The following WRAP53 variants were observed in gnomAD, a reference collection of about 807,000 sequenced individuals.
WRAP53 encodes the protein WD repeat containing antisense to TP53.
Under a neutral mutation model 56.6 loss-of-function variants are expected in WRAP53, and 28 were observed. The observed-to-expected ratio is 0.50, with a 90% CI of 0.37 to 0.68. WRAP53 has a LOEUF of 0.68. Among genes scored for constraint, WRAP53 ranks in the 30% least tolerant of loss-of-function variants. WRAP53 has a pLI of 0.00. For missense variants in WRAP53, 671 were observed against 715.5 expected (o/e 0.94, Z 0.71); for synonymous variants, 283 against 283.4 (o/e 1.00, Z 0.01).
At chr17:7,693,044 C>G (rs562760445) in intron 4 of WRAP53, among the ~76,000 whole-genome samples, 19 of 152,156 alleles carry the variant, frequency 1.2e-4, no homozygotes, top group Non-Finnish European at 2.5e-4. Flanking sequence ...CCCAGCCCCT[C>G]TTGGGTCATT....
chr17:7,689,817 C>A, intron 4 of WRAP53, 116 bp downstream of exon 4: 2 of 829,086 alleles, frequency 2.4e-6, no homozygotes, highest in Non-Finnish European at 3.9e-6. Flanking sequence ...TTTTTCAAGA[C>A]GAGTTTCCAC....
In WRAP53 at chr17:7,702,706, T is replaced by C; in HGVS notation, c.1165-37T>C. 1 of 1,609,888 alleles carries C rather than the reference T, an allele frequency of 6.2e-7. No homozygotes were observed. Among genetic ancestry groups the C allele is most frequent in the Non-Finnish European group, 8.5e-7 (1 of 1,178,952 alleles). ...CGAGGGAGGCAGGGACATCCAGGGCTTTGGGGGTGACTCCAGGTCCTGTTC... is the reference window on the plus strand; with the variant it reads ...CGAGGGAGGCAGGGACATCCAGGGCCTTGGGGGTGACTCCAGGTCCTGTTC... On this transcript the variant is annotated intron_variant, in intron 8 of 10. Transcript: ENST00000396463. This position sits in a 1 kb window ranked among gnomAD's most constrained non-coding sequence, Gnocchi z 5.0.
chr17:7,699,787 G>A (rs1409156314), intron 4 of WRAP53, among the ~76,000 whole-genome samples: 2 of 151,366 alleles, frequency 1.3e-5, no homozygotes, highest in Admixed American at 6.6e-5. Flanking sequence ...AGGCTGGAGT[G>A]CAGTGGCAAT....
chr17:7,688,336 T>C (rs1039607781), upstream of WRAP53: 3 of 442,762 alleles, frequency 6.8e-6, no homozygotes, highest in African/African-American at 2.0e-5. Context: ...CGGGAAACCT[T>C]CTAACCTTTC....
In WRAP53 at chr17:7,689,226, C is replaced by T. The variant is rs140594263; in HGVS notation, c.434C>T (p.Ala145Val). The T allele has an allele frequency of 6.8e-6, 11 of 1,613,868 alleles. No individual in the cohort carries two copies. The highest frequency in any genetic ancestry group is 1.3e-5 in the African/African-American group (1 of 74,802). ...EPAAEDEGDTAWNYSFSQLPR... is the reference protein window; with the variant it reads ...EPAAEDEGDTVWNYSFSQLPR... ...ATTGTCCCCCATCTTCCTTTCAGCG[C>T]TTGGAACTACAGCTTCTCCCAGCTG... The change falls in exon 3 of 11, where the codon GCT (alanine) becomes GTT (valine). Residue 145 changes from alanine (A) to valine (V), a missense_variant and splice_region_variant. Transcript: ENST00000396463.
chr17:7,698,733 C>T (rs1052439201), intron 4 of WRAP53, among the ~76,000 whole-genome samples: 9 of 151,864 alleles, frequency 5.9e-5, no homozygotes, highest in South Asian at 2.1e-4. Flanking sequence ...AAAAATTAGC[C>T]GGGCGTGATA....
At chr17:7,689,725 C>A in intron 4 of WRAP53, 24 bp downstream of exon 4, 1 of 1,563,092 alleles carries the variant, frequency 6.4e-7, no homozygotes, top group South Asian at 1.1e-5. Context: ...CTAACTGCCT[C>A]TTCATCAATG....
rs1280010300 is a variant in WRAP53, at chr17:7,702,558, G to A, written c.1164+6G>A. 6.2e-7 allele frequency: 1 copy of A among 1,606,280 alleles called. No homozygotes were observed. The highest frequency in any genetic ancestry group is 1.1e-5 in the South Asian group (1 of 90,804). On this transcript the variant is annotated splice_donor_region_variant and intron_variant, in intron 8 of 10. Transcript: ENST00000396463. This position sits in a 1 kb window ranked among gnomAD's most constrained non-coding sequence, Gnocchi z 5.0. ...TCTTCTCAGGAGCCCGCAAGGTAGG[G>A]GTCACACCCTGAGAGCCCAAAGCAG...
chr17:7,699,530 ATATATATAT>A, intron 4 of WRAP53, among the ~76,000 whole-genome samples: 2 of 70,974 alleles, frequency 2.8e-5, no homozygotes, highest in African/African-American at 1.1e-4. Context: ...ATTTATATAT[ATATATATAT>A]TCCTAAGGAA....
chr17:7,695,322 T>C (rs2074168483), intron 4 of WRAP53, among the ~76,000 whole-genome samples: 1 of 152,170 alleles, frequency 6.6e-6, no homozygotes, highest in Non-Finnish European at 1.5e-5. Context: ...TCCATATACT[T>C]GTGTGTACTG....
chr17:7,687,009 C>G, upstream of WRAP53: 1 of 268,584 alleles, frequency 3.7e-6, no homozygotes, highest in Non-Finnish European at 6.9e-6. Flanking sequence ...GTTTCGAGAT[C>G]CAAAAGTCTC....
chr17:7,688,196 G>GA (rs199831002), upstream of WRAP53: 611 of 185,214 alleles, frequency 3.3e-3, 2 homozygotes, highest in South Asian at 8.1e-3. Flanking sequence ...CAGGCGGCGG[G>GA]GGGGCGGTGC....
Position 7,701,337 on chromosome 17 carries a change from T to C in WRAP53, c.732-122T>C, listed in dbSNP as rs1014241628. On this transcript the variant is annotated intron_variant, in intron 5 of 10. Transcript: ENST00000396463. This position sits in a 1 kb window ranked among gnomAD's most constrained non-coding sequence, Gnocchi z 4.2. The stretch of plus-strand genomic sequence containing the variant: ...CCAGGCTGGTCTCGAACTCCTGACC[T>C]CAAGTGATCCACCTGCCTTGGCCTC... 9.5e-7 allele frequency: 1 copy of C among 1,051,812 alleles called. No individual in the cohort carries two copies. Among genetic ancestry groups the C allele is most frequent in the African/African-American group, 1.6e-5 (1 of 64,026 alleles). The allele number at this position is 1,051,812 out of a possible 1,614,324, so 65.2% of individuals were successfully genotyped here. A position where few individuals can be genotyped will look rare whatever the true frequency, so the allele number is the denominator to read the frequency against.
In WRAP53 at chr17:7,702,463, C is replaced by T. The variant is rs149359927; in HGVS notation, c.1075C>T (p.Pro359Ser). The change falls in exon 8 of 11, where the codon CCT becomes TCT. Residue 359 changes from proline to serine, a missense_variant. This residue lies in a region of WRAP53 where 158 missense variants were observed against 215.7 expected (regional missense o/e 0.73). Coordinates refer to ENST00000396463, the MANE Select transcript of WRAP53 (RefSeq NM_001143992.2). The surrounding 1 kb of genome is among the most constrained non-coding windows in gnomAD (Gnocchi z 5.0). ...TCTGTATGCCTGGGATGATGGCTCC[C>T]CTCTCGCCTTGCTGGGAGGGCACCA... ...LGLYAWDDGS[P>S]LALLGGHQGG... 273 of 1,614,092 alleles carry T rather than the reference C, an allele frequency of 1.7e-4. 1 individual carries two copies. The African/African-American group carries it at 3.1e-3, about 18-fold the overall frequency.
chr17:7,693,184 C>CT (rs60578072), intron 4 of WRAP53, among the ~76,000 whole-genome samples: 37 of 147,384 alleles, frequency 2.5e-4, no homozygotes, highest in Non-Finnish European at 4.6e-4. Flanking sequence ...TCTTTTTTTT[C>CT]TTTTTTTTGA....
upstream of WRAP53, chr17:7,687,446 C>T: frequency 2.5e-6 from 1 of 398,718 alleles, no homozygotes; most frequent in Non-Finnish European, 4.4e-6. Flanking sequence ...GTCCCCGGAG[C>T]CCAGCAGCTA....
chr17:7,700,664 C>A, intron 4 of WRAP53, 77 bp from the exon 5 acceptor site: 1 of 966,724 alleles, frequency 1.0e-6, no homozygotes, highest in Non-Finnish European at 1.7e-6. Context: ...CCCCATCTGC[C>A]ACAACACTGC....
rs867688064 is a variant in WRAP53 at position 7,699,531 on chromosome 17, T to A, written c.643-1210T>A. ...ATATATATATATATATTTATATATATATATATATTCCTAAGGAAATGTATG... is the reference window on the plus strand; with the variant it reads ...ATATATATATATATATTTATATATAAATATATATTCCTAAGGAAATGTATG... On this transcript the variant is annotated intron_variant, in intron 4 of 10. Coordinates refer to ENST00000396463, the MANE Select transcript of WRAP53 (RefSeq NM_001143992.2). 4.2e-5 allele frequency among the ~76,000 whole-genome samples: 3 copies of A among 71,134 alleles called. 1 individual carries two copies. The Admixed American group carries it at 5.4e-4, about 13-fold the overall frequency. The allele number at this position is 71,134 out of a possible 152,430, so 46.7% of individuals were successfully genotyped here.
rs2074272770 is a variant in WRAP53 at position 7,701,485 on chromosome 17, C to T, written c.758C>T (p.Pro253Leu). The T allele has an allele frequency of 6.8e-6, 11 of 1,614,236 alleles. No homozygotes were observed. The highest frequency in any genetic ancestry group is 2.2e-5 in the East Asian group (1 of 44,878). The change falls in exon 6 of 11, where the codon CCG becomes CTG. Residue 253 changes from proline (P) to leucine (L), a missense_variant. Around this residue, in one of 3 missense-constraint regions of WRAP53, gnomAD observed 406 missense variants for 418.5 expected, o/e 0.97. Transcript: ENST00000396463. The surrounding 1 kb of genome is among the most constrained non-coding windows in gnomAD (Gnocchi z 4.2). ...GTGGCCAGCAGCAGCCGGGAGAACC[C>T]GATTCATATCTGGGACGCATTCACT... ...SYVASSSREN[P>L]IHIWDAFTGE...
Sources: gnomAD v4.1 joint callset for allele counts (sites outside exome capture counted in the v4.1 genomes callset) on GRCh38, gnomAD v4.1.1 for gene constraint, gnomAD v4.1.1 regional missense constraint, Gnocchi (gnomAD v3.1) non-coding constraint, MANE v1.5 for transcripts, NCBI Gene and HGNC (gene_info 2026-07-23, HGNC 2026-07-21) for gene names.